RADIL: variants seen among roughly 807,000 people sequenced by gnomAD.
RADIL encodes the protein Rap associating with DIL domain.
In RADIL, 99 loss-of-function variants were observed where a neutral mutation model predicts 97.6. That is an observed-to-expected ratio of 1.01 (90% CI 0.86 to 1.20). The LOEUF (loss-of-function observed/expected upper bound fraction) is 1.20, where lower values mean the gene tolerates loss of function less well. Ranked by LOEUF, RADIL falls within the 50% of genes most tolerant of loss-of-function variation. The pLI is 0.00. For synonymous variants in RADIL, 803 were observed against 691.8 expected (o/e 1.16, Z -2.52); for missense variants, 1,765 against 1,498.9 (o/e 1.18, Z -2.93).
At chr7:4,846,150 A>G in intron 2 of RADIL, among the ~76,000 whole-genome samples, 1 of 147,696 alleles carries the variant, frequency 6.8e-6, no homozygotes. Context: ...TTTTTTAAAG[A>G]GACGGAGTCT....
At chr7:4,805,255 C>A in intron 10 of RADIL, 1 of 368,054 alleles carries the variant, frequency 2.7e-6, no homozygotes, top group Non-Finnish European at 4.9e-6. Context: ...CCTGGGTAGC[C>A]ATACAACAGG....
rs373342102 is a variant in RADIL, at chr7:4,877,997, G to C, written c.143C>G (p.Ala48Gly). ...DLDSTFSSLG[A>G]SDDPAELSTQ... ...GGAGAGCTCGGCGGGGTCATCGCTG[G>C]CGCCCAGGCTGGAGAAGGTGGAGTC... Residue 48 changes from alanine to glycine, a missense_variant, in exon 2 of 15, where the codon GCC becomes GGC. By Grantham distance (60) the Ala-to-Gly change is moderately conservative (BLOSUM62 0). Transcript: ENST00000399583. 1.2e-6 allele frequency: 2 copies of C among 1,609,664 alleles called. No individual in the cohort carries two copies. The highest frequency in any genetic ancestry group is 1.7e-6 in the Non-Finnish European group (2 of 1,178,928).
intron 6 of RADIL, among the ~76,000 whole-genome samples, chr7:4,820,495 C>A (rs1055585442): frequency 1.6e-4 from 25 of 152,236 alleles, no homozygotes; most frequent in African/African-American, 6.0e-4. Context: ...GGGCACAGGC[C>A]AGATGCCCGG....
At chr7:4,827,522 G>C (rs572812017) in intron 5 of RADIL, among the ~76,000 whole-genome samples, 4 of 147,366 alleles carry the variant, frequency 2.7e-5, no homozygotes, top group Non-Finnish European at 6.0e-5. Flanking sequence ...TTAGCCGGGC[G>C]TGGTTGCAGG....
chr7:4,810,655 C>A (rs574119342), intron 9 of RADIL, among the ~76,000 whole-genome samples: 1 of 152,244 alleles, frequency 6.6e-6, no homozygotes, highest in Admixed American at 6.5e-5. Flanking sequence ...GCATCTCCGT[C>A]GGGGAAATTG....
chr7:4,878,290 T>TTC lies in RADIL; in HGVS notation c.-64-88_-64-87insGA. The TTC allele has an allele frequency of 2.3e-6, 2 of 859,898 alleles. No homozygotes were observed. Among genetic ancestry groups the TTC allele is most frequent in the South Asian group, 3.7e-5 (2 of 54,164 alleles). The allele number at this position is 859,898 out of a possible 1,614,324, so 53.3% of individuals were successfully genotyped here. On this transcript the variant is annotated intron_variant, in intron 1 of 14. Coordinates refer to ENST00000399583, the MANE Select transcript of RADIL (RefSeq NM_018059.5). The surrounding 1 kb of genome is among the most constrained non-coding windows in gnomAD (Gnocchi z 4.1). ...CACAGGCGGTGACTCCTGCCCGTCA[T>TTC]CCCAGCGCTTTAGAAGGCCAAGGTG...
At position 4,834,860 on chromosome 7, in the gene RADIL, G is replaced by A. The variant is rs1783250441; in HGVS notation, c.1163C>T (p.Ala388Val). The A allele has an allele frequency of 7.5e-7, 1 of 1,325,280 alleles. No homozygotes were observed. Among genetic ancestry groups the A allele is most frequent in the African/African-American group, 1.5e-5 (1 of 64,888 alleles). 82.1% of individuals were successfully genotyped at this position (1,325,280 alleles called of 1,614,324 possible). A position where few individuals can be genotyped will look rare whatever the true frequency, so the allele number is the denominator to read the frequency against. Residue 388 changes from alanine to valine, a missense_variant, in exon 4 of 15, where the codon GCC (alanine) becomes GTC (valine). By Grantham distance (64) the Ala-to-Val change is moderately conservative. Transcript: ENST00000399583. The surrounding 1 kb of genome is among the most constrained non-coding windows in gnomAD (Gnocchi z 6.0). ...SCRLCGAALG[A>V]RGAASPTQAA... ...CTGAGTAGGGGAGGCGGCTCCCCGGGCCCCGAGCGCGGCCCCGCACAGCCG... is the reference window on the plus strand; with the variant it reads ...CTGAGTAGGGGAGGCGGCTCCCCGGACCCCGAGCGCGGCCCCGCACAGCCG...
chr7:4,829,325 G>A (rs1252168891), intron 5 of RADIL, among the ~76,000 whole-genome samples: 4 of 152,206 alleles, frequency 2.6e-5, no homozygotes, highest in African/African-American at 9.6e-5. Flanking sequence ...CACCCCCAGT[G>A]CATGGCATCG....
chr7:4,879,442 G>C lies in RADIL; in HGVS notation c.-64-1239C>G, dbSNP rs1784440171. On this transcript the variant is annotated intron_variant, in intron 1 of 14. Coordinates refer to ENST00000399583, the MANE Select transcript of RADIL (RefSeq NM_018059.5). The surrounding 1 kb of genome is among the most constrained non-coding windows in gnomAD (Gnocchi z 4.1). ...ACTGCGCACACATCTCCCCATTACTGTACCCCACTTCCGTGCTCATGTTCT... is the reference window on the plus strand; with the variant it reads ...ACTGCGCACACATCTCCCCATTACTCTACCCCACTTCCGTGCTCATGTTCT... Among the ~76,000 whole-genome samples, 1 of 152,200 alleles carries C rather than the reference G, an allele frequency of 6.6e-6. No homozygotes were observed.
intron 2 of RADIL, chr7:4,859,948 T>C (rs762391623): frequency 3.1e-6 from 5 of 1,613,994 alleles, no homozygotes; most frequent in Non-Finnish European, 4.2e-6. Context: ...CTGGATGGCT[T>C]ATGAGACATG....
rs532041184 is a variant in RADIL at position 4,818,531 on chromosome 7, G to A, written c.1616-1180C>T. On this transcript the variant is annotated intron_variant, in intron 6 of 14. Transcript: ENST00000399583. This position sits in a 1 kb window ranked among gnomAD's most constrained non-coding sequence, Gnocchi z 7.1. ...CTGGGAACCAGGCAGGGCAGCTGGA[G>A]GGACCCCGGGGTCCGGGGCAGTAAG... is the stretch of plus-strand genomic sequence containing the variant. Among the ~76,000 whole-genome samples, 1 of 152,330 alleles carries A rather than the reference G, an allele frequency of 6.6e-6. No individual in the cohort carries two copies. Among genetic ancestry groups the A allele is most frequent in the East Asian group, 1.9e-4 (1 of 5,164 alleles).
In RADIL at chr7:4,799,438, C is replaced by G; in HGVS notation, c.3168G>C (p.Leu1056=). Residue 1056 remains leucine (L), a synonymous_variant, in exon 15 of 15, where the codon CTG becomes CTC. Coordinates refer to ENST00000399583, the MANE Select transcript of RADIL (RefSeq NM_018059.5). Reference sequence around the variant, plus strand: ...CTGTTTCCACGTCGGACTTCGCGACCAGGAACCGCATCTTCTTCCCGCCAT... The same window carrying G: ...CTGTTTCCACGTCGGACTTCGCGACGAGGAACCGCATCTTCTTCCCGCCAT... The part of the protein sequence containing the change: ...IRHGGKKMRF[L]VAKSDVETAK... 1 of 1,613,824 alleles carries G rather than the reference C, an allele frequency of 6.2e-7. No homozygotes were observed. The highest frequency in any genetic ancestry group is 1.1e-5 in the South Asian group (1 of 91,074).
At chr7:4,805,065 G>A (rs560125367) in intron 10 of RADIL, among the ~76,000 whole-genome samples, 27 of 152,292 alleles carry the variant, frequency 1.8e-4, no homozygotes, top group African/African-American at 6.3e-4. Flanking sequence ...CTGCACTCCA[G>A]CCTGGATGAC....
At position 4,834,433 on chromosome 7, in the gene RADIL, T is replaced by C. The variant is rs1783234583; in HGVS notation, c.1416+174A>G. ...CCTTGGGTTCTGGGGCTGCTTCTGG[T>C]GGCCTGTGGGGCTGGGGGGCAGCGA... is the stretch of plus-strand genomic sequence containing the variant. On this transcript the variant is annotated intron_variant, in intron 4 of 14. Coordinates refer to ENST00000399583, the MANE Select transcript of RADIL (RefSeq NM_018059.5). The surrounding 1 kb of genome is among the most constrained non-coding windows in gnomAD (Gnocchi z 6.0). 6.6e-6 allele frequency among the ~76,000 whole-genome samples: 1 copy of C among 152,056 alleles called. No homozygotes were observed. The highest frequency in any genetic ancestry group is 1.5e-5 in the Non-Finnish European group (1 of 67,992).
At chr7:4,826,902 G>A (rs1418540802) in intron 5 of RADIL, among the ~76,000 whole-genome samples, 1 of 152,150 alleles carries the variant, frequency 6.6e-6, no homozygotes, top group African/African-American at 2.4e-5. Flanking sequence ...TAAGACAGGT[G>A]AACAAACAAT....
intron 2 of RADIL, among the ~76,000 whole-genome samples, chr7:4,862,700 A>G (rs1784044720): frequency 1.3e-5 from 2 of 151,384 alleles, no homozygotes; most frequent in African/African-American, 4.8e-5. Context: ...CAGGAGTTGG[A>G]GACCAGCCTC....
At chr7:4,876,551 T>C (rs1015088536) in intron 2 of RADIL, among the ~76,000 whole-genome samples, 2 of 152,190 alleles carry the variant, frequency 1.3e-5, no homozygotes, top group Non-Finnish European at 2.9e-5. Context: ...TCCACCTGCG[T>C]TGGCCTCCCA....
intron 9 of RADIL, chr7:4,809,364 C>T (rs184409525): frequency 5.1e-6 from 5 of 985,330 alleles, no homozygotes; most frequent in East Asian, 1.1e-4. Context: ...GAAATATCCC[C>T]GCCCGGCTGA....
At chr7:4,805,991 A>C (rs1240889724) in intron 9 of RADIL, 1 of 985,350 alleles carries the variant, frequency 1.0e-6, no homozygotes. Flanking sequence ...CCGGCCTCAC[A>C]GGCGGCCGCC....
Sources: allele counts gnomAD v4.1 joint callset (sites outside exome capture counted in the v4.1 genomes callset), GRCh38; gene constraint gnomAD v4.1.1; non-coding constraint Gnocchi (gnomAD v3.1); transcripts MANE v1.5; gene names NCBI Gene and HGNC (gene_info 2026-07-23, HGNC 2026-07-21).